The following RPE65 variants were observed in gnomAD, a reference collection of about 807,000 sequenced individuals.
The protein encoded by RPE65 is retinoid isomerohydrolase.
A neutral mutation model predicts 68.5 loss-of-function variants in RPE65; 58 were observed. That is an observed-to-expected ratio of 0.85 (90% CI 0.69 to 1.05). The LOEUF is 1.05. Among genes scored for constraint, RPE65 ranks in the 50% least tolerant of loss-of-function variants. RPE65 has a pLI of 0.00. For synonymous variants in RPE65, 220 were observed against 222.2 expected (o/e 0.99, Z 0.09); for missense variants, 643 against 629.9 (o/e 1.02, Z -0.22).
intron 10 of RPE65, 51 bp downstream of exon 10, chr1:68,438,136 G>A (rs1191247147): frequency 2.5e-6 from 4 of 1,609,270 alleles, no homozygotes; most frequent in Admixed American, 1.7e-5. Flanking sequence ...CAATTCCTGA[G>A]AGAGATGAAA....
chr1:68,448,581 G>A, intron 2 of RPE65, 43 bp downstream of exon 2: 2 of 1,564,854 alleles, frequency 1.3e-6, no homozygotes, highest in Non-Finnish European at 1.8e-6. Context: ...AGAGAAGAGA[G>A]ACTGACATAA....
intron 1 of RPE65, 97 bp downstream of exon 1, chr1:68,449,798 G>T: frequency 5.7e-6 from 8 of 1,401,514 alleles, no homozygotes; most frequent in Non-Finnish European, 7.1e-6. Context: ...TCCTAAACAG[G>T]TCATTAATCA....
Position 68,439,002 on chromosome 1 carries a change from T to C in RPE65, c.938A>G (p.His313Arg), listed in dbSNP as rs1375943362. 2.5e-6 allele frequency: 4 copies of C among 1,613,998 alleles called. No homozygotes were observed. The highest frequency in any genetic ancestry group is 3.4e-6 in the Non-Finnish European group (4 of 1,179,976). Residue 313 changes from histidine (H) to arginine (R), a missense_variant, in exon 9 of 14, where the codon CAT becomes CGT. His to Arg is a conservative substitution (Grantham distance 29, BLOSUM62 0). Coordinates refer to ENST00000262340, the MANE Select transcript of RPE65 (RefSeq NM_000329.3). ...ATTGTCTTCATAGGTGTTGATGTGATGGAAGAGGTTGAAAGGAGAAGTTCT... is the reference window on the plus strand; with the variant it reads ...ATTGTCTTCATAGGTGTTGATGTGACGGAAGAGGTTGAAAGGAGAAGTTCT... ...KYRTSPFNLF[H>R]HINTYEDNGF... is the part of the protein sequence containing the mutation.
intron 6 of RPE65, among the ~76,000 whole-genome samples, chr1:68,440,238 C>A (rs1309486097): frequency 6.6e-6 from 1 of 152,154 alleles, no homozygotes; most frequent in African/African-American, 2.4e-5. Context: ...GGTCCAAGGA[C>A]TACACTTTGA....
In RPE65 at chr1:68,429,590, C is replaced by CT. The variant is rs983814253; in HGVS notation, c.*185dup. On this transcript the variant is annotated 3_prime_UTR_variant, in exon 14 of 14. Transcript: ENST00000262340. ...GGAAGTATGATTATCTAAATACGTA[C>CT]TTTTTTTTTTAAATAAAGGAATTGC... The CT allele has an allele frequency of 1.8e-3, 1,009 of 574,778 alleles. No homozygotes were observed. The highest frequency in any genetic ancestry group is 3.0e-3 in the Middle Eastern group (6 of 2,028). The allele number at this position is 574,778 out of a possible 1,614,324, so 35.6% of individuals were successfully genotyped here. A position where few individuals can be genotyped will look rare whatever the true frequency, so the allele number is the denominator to read the frequency against.
chr1:68,438,909 G>A, intron 9 of RPE65, 33 bp downstream of exon 9: 1 of 1,613,692 alleles, frequency 6.2e-7, no homozygotes, highest in South Asian at 1.1e-5. Flanking sequence ...GGAACAATGG[G>A]AGGTGTCCCA....
In RPE65 at chr1:68,446,836, C is replaced by A; in HGVS notation, c.119G>T (p.Gly40Val). ...VTGRIPLWLT[G>V]SLLRCGPGLF... The stretch of plus-strand genomic sequence containing the variant: ...TCCTGGCCCACATCGAAGGAGACTG[C>A]CGGTGAGCCAGAGGGGGATCCTGCC... Residue 40 changes from glycine (G) to valine (V), a missense_variant, in exon 3 of 14, where the codon GGC becomes GTC. Gly to Val is a moderately radical substitution (Grantham distance 109). Coordinates refer to ENST00000262340, the MANE Select transcript of RPE65 (RefSeq NM_000329.3). The A allele has an allele frequency of 6.2e-7, 1 of 1,613,748 alleles. No individual in the cohort carries two copies. The highest frequency in any genetic ancestry group is 8.5e-7 in the Non-Finnish European group (1 of 1,180,032).
In RPE65 at chr1:68,444,781, A is replaced by G. The variant is rs760867969; in HGVS notation, c.348T>C (p.Phe116=). 3.7e-6 allele frequency: 6 copies of G among 1,614,168 alleles called. No homozygotes were observed. The highest frequency in any genetic ancestry group is 5.1e-6 in the Non-Finnish European group (6 of 1,180,008). The part of the protein sequence containing the change: ...CAFPDPCKNI[F]SRFFSYFRGV... The stretch of plus-strand genomic sequence containing the variant: ...TTCAGTTTGGGTTCAGTAACCTGGA[A>G]AATATATTCTTGCAGGGATCTGGGA... Residue 116 remains phenylalanine, a synonymous_variant, in exon 4 of 14, where the codon TTT becomes TTC. Coordinates refer to ENST00000262340, the MANE Select transcript of RPE65 (RefSeq NM_000329.3).
chr1:68,446,115 T>C (rs1388826213), intron 3 of RPE65, among the ~76,000 whole-genome samples: 1 of 152,062 alleles, frequency 6.6e-6, no homozygotes, highest in Non-Finnish European at 1.5e-5. Context: ...GATTTAGGGC[T>C]TCAAGGCTTT....
chr1:68,445,846 G>C (rs991517682), intron 3 of RPE65, among the ~76,000 whole-genome samples: 2 of 151,894 alleles, frequency 1.3e-5, no homozygotes, highest in Non-Finnish European at 2.9e-5. Flanking sequence ...AGAGTACCCT[G>C]CTCTGTCGAA....
chr1:68,446,471 G>A (rs1645943986), intron 3 of RPE65, among the ~76,000 whole-genome samples: 1 of 152,168 alleles, frequency 6.6e-6, no homozygotes, highest in African/African-American at 2.4e-5. Flanking sequence ...AGTCATGTCT[G>A]TTGAATACAG....
At chr1:68,440,042 T>G (rs1273680505) in intron 6 of RPE65, among the ~76,000 whole-genome samples, 1 of 152,196 alleles carries the variant, frequency 6.6e-6, no homozygotes. Flanking sequence ...TGTACAGTAA[T>G]TCTTATGCAC....
At chr1:68,438,400 G>T in intron 9 of RPE65, 84 bp from the exon 10 acceptor site, 1 of 1,494,848 alleles carries the variant, frequency 6.7e-7, no homozygotes, top group Non-Finnish European at 9.1e-7. Flanking sequence ...AAGCACAAGT[G>T]CCTGCCTGTT....
chr1:68,433,379 T>C (rs74081904), intron 10 of RPE65, among the ~76,000 whole-genome samples: 17 of 151,908 alleles, frequency 1.1e-4, no homozygotes, highest in African/African-American at 4.1e-4. Flanking sequence ...ATGGGGAGAA[T>C]TGGGAGAGTG....
At chr1:68,434,139 C>T (rs577380023) in intron 10 of RPE65, among the ~76,000 whole-genome samples, 1 of 149,438 alleles carries the variant, frequency 6.7e-6, no homozygotes, top group African/African-American at 2.5e-5. Flanking sequence ...CACACACACA[C>T]ATATACATCA....
intron 5 of RPE65, 61 bp from the exon 6 acceptor site, chr1:68,441,061 C>A: frequency 6.3e-7 from 1 of 1,596,856 alleles, no homozygotes; most frequent in Non-Finnish European, 8.6e-7. Context: ...TACCTTTGTC[C>A]CTAGGTCTGA....
rs1400802064 is a variant in RPE65, at chr1:68,448,605, C to G, written c.94+19G>C. On this transcript the variant is annotated intron_variant, in intron 2 of 13. Transcript: ENST00000262340. The stretch of plus-strand genomic sequence containing the variant: ...AGACTGACATAAAAGAGGATGGCTT[C>G]AAGATGGGCGAGACCAACCTGTTAC... The G allele has an allele frequency of 6.2e-7, 1 of 1,612,106 alleles. No individual in the cohort carries two copies. The highest frequency in any genetic ancestry group is 1.7e-5 in the Admixed American group (1 of 59,954).
At position 68,439,615 on chromosome 1, in the gene RPE65, T is replaced by G. The variant is rs559980827; in HGVS notation, c.671A>C (p.Glu224Ala). The stretch of plus-strand genomic sequence containing the variant: ...ACTGCAGGGGAATTGTACAACGATC[T>G]CTGACTTGCTTATTGGATCTTCCTT... ...ADKEDPISKS[E>A]IVVQFPCSDR... is the part of the protein sequence containing the mutation. The change falls in exon 7 of 14, where the codon GAG (glutamate) becomes GCG (alanine). Residue 224 changes from glutamate to alanine, a missense_variant. Physicochemically the swap from Glu to Ala is moderately radical, Grantham distance 107. Coordinates refer to ENST00000262340, the MANE Select transcript of RPE65 (RefSeq NM_000329.3). The G allele has an allele frequency of 9.3e-6, 15 of 1,613,964 alleles. 1 individual carries two copies. The South Asian group carries it at 1.5e-4, about 17-fold the overall frequency.
At position 68,429,604 on chromosome 1, in the gene RPE65, T is replaced by TA. The variant is rs1383802115; in HGVS notation, c.*171dup. On this transcript the variant is annotated 3_prime_UTR_variant, in exon 14 of 14. Transcript: ENST00000262340. ...CTAAATACGTACTTTTTTTTTTAAATAAAGGAATTGCTTGCTCAACTCAGT... is the reference window on the plus strand; with the variant it reads ...CTAAATACGTACTTTTTTTTTTAAATAAAAGGAATTGCTTGCTCAACTCAGT... 2 of 681,010 alleles carry TA rather than the reference T, an allele frequency of 2.9e-6. No homozygotes were observed. The highest frequency in any genetic ancestry group is 4.9e-6 in the Non-Finnish European group (2 of 404,510). 42.2% of individuals were successfully genotyped at this position (681,010 alleles called of 1,614,324 possible). A position where few individuals can be genotyped will look rare whatever the true frequency, so the allele number is the denominator to read the frequency against.
Sources: allele counts gnomAD v4.1 joint callset (sites outside exome capture counted in the v4.1 genomes callset), GRCh38; gene constraint gnomAD v4.1.1; transcripts MANE v1.5; gene names NCBI Gene and HGNC (gene_info 2026-07-23, HGNC 2026-07-21).